The following HDAC8 variants were observed in gnomAD, a reference collection of about 807,000 sequenced individuals.
HDAC8 encodes histone deacetylase-like 1.
A neutral mutation model predicts 32.2 loss-of-function variants in HDAC8; 1 was observed. The ratio of observed to expected loss-of-function variants is 0.03; its 90% CI spans 0.01 to 0.15. HDAC8 has a LOEUF of 0.15. Among genes scored for constraint, HDAC8 ranks in the 10% least tolerant of loss-of-function variants. The probability of loss-of-function intolerance (pLI) is 1.00; values close to 1 mark genes in which losing one functional copy is unlikely to be tolerated. For missense variants in HDAC8, 117 were observed against 300.0 expected (o/e 0.39, Z 4.51); for synonymous variants, 108 against 113.9 (o/e 0.95, Z 0.33).
At chrX:72,463,634 A>T (rs7052059) in intron 8 of HDAC8, among the ~76,000 whole-genome samples, 6,239 of 111,647 alleles carry the variant, frequency 0.056, 409 homozygotes, top group African/African-American at 0.19. Flanking sequence ...CCAGCTTTTC[A>T]TAAGAGGTTG....
chrX:72,375,170 T>C (rs1449819420), intron 9 of HDAC8, among the ~76,000 whole-genome samples: 1 of 112,144 alleles, frequency 8.9e-6, no homozygotes, highest in Non-Finnish European at 1.9e-5. Flanking sequence ...AGAACTGGCT[T>C]CATAGTTGGG....
chrX:72,472,275 G>T (rs935164035), intron 7 of HDAC8, among the ~76,000 whole-genome samples: 18 of 109,319 alleles, frequency 1.6e-4, no homozygotes, highest in Non-Finnish European at 3.2e-4. Flanking sequence ...CACCGTTTTA[G>T]CCGGGATGGT....
chrX:72,482,248 A>C (rs2048531364), intron 7 of HDAC8, among the ~76,000 whole-genome samples: 2 of 111,569 alleles, frequency 1.8e-5, no homozygotes, highest in Admixed American at 9.6e-5. Context: ...AGCTATACTC[A>C]TCTAAAACAA....
rs782397318 is a variant in HDAC8, at chrX:72,454,985, T to A, written c.1005+7019A>T. Among the ~76,000 whole-genome samples the A allele has an allele frequency of 8.9e-5, 10 of 112,710 alleles. No homozygotes were observed. The South Asian group carries it at 3.7e-3, about 41-fold the overall frequency. On this transcript the variant is annotated intron_variant, in intron 9 of 10. Coordinates refer to ENST00000373573, the MANE Select transcript of HDAC8 (RefSeq NM_018486.3). ...TATTCGCACCTTACAAACAGACAAA[T>A]CTACAAATATGGCTGGGCTTACAGT...
chrX:72,441,197 T>C (rs372271616), intron 9 of HDAC8, among the ~76,000 whole-genome samples: 1 of 112,735 alleles, frequency 8.9e-6, no homozygotes, highest in African/African-American at 3.2e-5. Context: ...TCTCCCAGCA[T>C]GCAGCTGGAG....
chrX:72,390,065 C>T (rs1223275216), intron 9 of HDAC8, among the ~76,000 whole-genome samples: 2 of 111,176 alleles, frequency 1.8e-5, no homozygotes, highest in African/African-American at 6.5e-5. Flanking sequence ...AGCACATACA[C>T]ATATTTGTGG....
chrX:72,561,298 T>G (rs1403957019), intron 4 of HDAC8, among the ~76,000 whole-genome samples: 1 of 111,970 alleles, frequency 8.9e-6, no homozygotes, highest in Non-Finnish European at 1.9e-5. Context: ...TATAAGGCCA[T>G]AGTCACCAAA....
At chrX:72,433,294 A>G (rs782274969) in intron 9 of HDAC8, among the ~76,000 whole-genome samples, 4 of 111,319 alleles carry the variant, frequency 3.6e-5, no homozygotes, top group Admixed American at 1.9e-4. Flanking sequence ...TCAGCATCCT[A>G]TAATGCATAG....
At chrX:72,401,583 G>T (rs1392509569) in intron 9 of HDAC8, among the ~76,000 whole-genome samples, 1 of 112,079 alleles carries the variant, frequency 8.9e-6, no homozygotes, top group Non-Finnish European at 1.9e-5. Flanking sequence ...GTGTGCAGGG[G>T]TATTTTATTG....
At chrX:72,367,542 C>G (rs782707938) in intron 9 of HDAC8, among the ~76,000 whole-genome samples, 9 of 112,245 alleles carry the variant, frequency 8.0e-5, no homozygotes, top group Admixed American at 1.9e-4. Context: ...TACAAAAACT[C>G]TAACTTATGG....
At chrX:72,567,738 C>T (rs2051850308) in intron 4 of HDAC8, 151 bp downstream of exon 4, 1 of 1,210,363 alleles carries the variant, frequency 8.3e-7, no homozygotes, top group Non-Finnish European at 1.1e-6. Context: ...AATCTTTTTT[C>T]TATTTCACTT....
chrX:72,546,900 C>A (rs782089586), intron 4 of HDAC8, among the ~76,000 whole-genome samples: 1 of 111,463 alleles, frequency 9.0e-6, no homozygotes, highest in Admixed American at 9.5e-5. Context: ...AGACTTTGCT[C>A]CATCTCTTAT....
At chrX:72,539,425 A>G (rs2050634148) in intron 4 of HDAC8, among the ~76,000 whole-genome samples, 1 of 104,477 alleles carries the variant, frequency 9.6e-6, no homozygotes, top group Non-Finnish European at 2.0e-5. Flanking sequence ...TATTTTTAGT[A>G]GAGACAGGGT....
At chrX:72,383,608 C>T (rs1352164557) in intron 9 of HDAC8, among the ~76,000 whole-genome samples, 2 of 111,436 alleles carry the variant, frequency 1.8e-5, no homozygotes, top group Non-Finnish European at 3.8e-5. Context: ...CGGTGGCTCA[C>T]GCCTGTGATC....
At chrX:72,481,080 C>A (rs904587196) in intron 7 of HDAC8, among the ~76,000 whole-genome samples, 4 of 110,424 alleles carry the variant, frequency 3.6e-5, no homozygotes, top group African/African-American at 1.3e-4. Context: ...AAAAAAAAGA[C>A]TAGGTAATTT....
At chrX:72,480,405 A>G (rs1556002540) in intron 7 of HDAC8, 4 of 330,949 alleles carry the variant, frequency 1.2e-5, no homozygotes, top group Non-Finnish European at 2.4e-5. Flanking sequence ...AAGTCAGGAA[A>G]CAACAGATGC....
intron 7 of HDAC8, among the ~76,000 whole-genome samples, chrX:72,482,610 G>C (rs937460129): frequency 9.0e-5 from 10 of 110,722 alleles, no homozygotes; most frequent in African/African-American, 3.0e-4. Flanking sequence ...TTTGGGGGGG[G>C]GGATTTTCTG....
intron 9 of HDAC8, among the ~76,000 whole-genome samples, chrX:72,388,595 T>TACACACACACACACACACACACAC: frequency 1.1e-5 from 1 of 88,404 alleles, no homozygotes; most frequent in African/African-American, 4.4e-5. Context: ...CCACAGTGAT[T>TACACACACACACACACACACACAC]ACACACACAC....
chrX:72,361,598 G>T, intron 9 of HDAC8, among the ~76,000 whole-genome samples: 1 of 110,253 alleles, frequency 9.1e-6, no homozygotes, highest in African/African-American at 3.3e-5. Flanking sequence ...TAATTAGTAG[G>T]TTCTTATGTT....
Sources: gnomAD v4.1 joint callset for allele counts (sites outside exome capture counted in the v4.1 genomes callset) on GRCh38, gnomAD v4.1.1 for gene constraint, MANE v1.5 for transcripts, NCBI Gene and HGNC (gene_info 2026-07-23, HGNC 2026-07-21) for gene names.